PRICKLE1: variants seen among roughly 807,000 people sequenced by gnomAD.
The protein encoded by PRICKLE1 is prickle planar cell polarity protein 1.
In PRICKLE1, 14 loss-of-function variants were observed where a neutral mutation model predicts 70.2. The ratio of observed to expected loss-of-function variants is 0.20; its 90% CI spans 0.13 to 0.31. The LOEUF is 0.31. PRICKLE1 is among the 10% of genes least tolerant of loss of function. PRICKLE1 has a pLI of 1.00. For missense variants in PRICKLE1, 821 were observed against 1,026.2 expected, an observed-to-expected ratio of 0.80 and a Z score of 2.73; for synonymous variants, 357 against 379.9, an observed-to-expected ratio of 0.94 and a Z score of 0.70.
intron 1 of PRICKLE1, among the ~76,000 whole-genome samples, chr12:42,543,677 C>T (rs1940156465): frequency 6.6e-6 from 1 of 152,140 alleles, no homozygotes; most frequent in Non-Finnish European, 1.5e-5. Flanking sequence ...TACCCACCCC[C>T]ATGCCCAGCT....
intron 1 of PRICKLE1, among the ~76,000 whole-genome samples, chr12:42,556,884 C>A (rs768228446): frequency 3.5e-4 from 54 of 152,140 alleles, no homozygotes; most frequent in Non-Finnish European, 6.0e-4. Flanking sequence ...CTACAATGTG[C>A]CAGGCACCCA....
chr12:42,476,168 A>G (rs925739715), intron 1 of PRICKLE1, among the ~76,000 whole-genome samples: 1 of 147,954 alleles, frequency 6.8e-6, no homozygotes, highest in African/African-American at 2.5e-5. Flanking sequence ...CTACATCATC[A>G]CTAGCAACTT....
At chr12:42,529,135 T>C (rs1006036377) in intron 1 of PRICKLE1, among the ~76,000 whole-genome samples, 1 of 152,236 alleles carries the variant, frequency 6.6e-6, no homozygotes, top group Non-Finnish European at 1.5e-5. Flanking sequence ...AGGCTTTCAG[T>C]TGTTTTTTAA....
chr12:42,497,097 T>C (rs61924404), intron 1 of PRICKLE1, among the ~76,000 whole-genome samples: 13,349 of 152,220 alleles, frequency 0.088, 764 homozygotes, highest in Middle Eastern at 0.15. Flanking sequence ...AAGTGAGAGA[T>C]GTGTGCCTCT....
chr12:42,571,534 C>T (rs2120753228), intron 1 of PRICKLE1, among the ~76,000 whole-genome samples: 1 of 152,330 alleles, frequency 6.6e-6, no homozygotes, highest in East Asian at 1.9e-4. Flanking sequence ...TCTGAGGAAG[C>T]AGATGAACTC....
chr12:42,562,173 G>A (rs1052768051), intron 1 of PRICKLE1, among the ~76,000 whole-genome samples: 7 of 152,124 alleles, frequency 4.6e-5, no homozygotes, highest in Non-Finnish European at 1.0e-4. Context: ...GTCTCCCAAA[G>A]TGCTGGGATT....
At chr12:42,542,810 G>A (rs1201586831) in intron 1 of PRICKLE1, among the ~76,000 whole-genome samples, 2 of 152,184 alleles carry the variant, frequency 1.3e-5, no homozygotes, top group Non-Finnish European at 2.9e-5. Context: ...GGTTGTTTAC[G>A]TTAACTTCTA....
At chr12:42,563,980 C>T (rs958890737) in intron 1 of PRICKLE1, among the ~76,000 whole-genome samples, 2 of 151,870 alleles carry the variant, frequency 1.3e-5, no homozygotes, top group African/African-American at 2.4e-5. Flanking sequence ...TCTTTCCAGC[C>T]AAGTGCAGTG....
chr12:42,534,596 T>C (rs1939986453), intron 1 of PRICKLE1, among the ~76,000 whole-genome samples: 1 of 152,174 alleles, frequency 6.6e-6, no homozygotes, highest in Non-Finnish European at 1.5e-5. Flanking sequence ...TTGAGATAGA[T>C]ATTAAGCAAG....
chr12:42,532,995 T>C (rs2120555959), intron 1 of PRICKLE1, among the ~76,000 whole-genome samples: 1 of 152,258 alleles, frequency 6.6e-6, no homozygotes, highest in South Asian at 2.1e-4. Flanking sequence ...CAACAGCCCA[T>C]GTTGCTAGTG....
At chr12:42,561,758 C>T (rs1940516587) in intron 1 of PRICKLE1, among the ~76,000 whole-genome samples, 1 of 152,090 alleles carries the variant, frequency 6.6e-6, no homozygotes, top group Non-Finnish European at 1.5e-5. Context: ...GTACAGTTAA[C>T]TATGAAAAGT....
At chr12:42,487,816 C>T (rs529109854) in intron 1 of PRICKLE1, among the ~76,000 whole-genome samples, 9 of 152,246 alleles carry the variant, frequency 5.9e-5, no homozygotes, top group South Asian at 2.1e-4. Context: ...GAGGCCAAGG[C>T]GGGTGGATCA....
At chr12:42,471,607 G>A (rs1711987753) in intron 2 of PRICKLE1, among the ~76,000 whole-genome samples, 2 of 152,126 alleles carry the variant, frequency 1.3e-5, no homozygotes, top group Admixed American at 1.3e-4. Flanking sequence ...GATAAATAAG[G>A]ATACCCTATT....
chr12:42,527,964 T>TAC lies in PRICKLE1; in HGVS notation c.-48-55401_-48-55400insGT, dbSNP rs1566114368. Among the ~76,000 whole-genome samples, 28 of 7,194 alleles carry TAC rather than the reference T, an allele frequency of 3.9e-3. 2 individuals are homozygous for TAC. Among genetic ancestry groups the TAC allele is most frequent in the African/African-American group, 7.6e-3 (21 of 2,760 alleles). 4.7% of individuals were successfully genotyped at this position (7,194 alleles called of 152,430 possible). On this transcript the variant is annotated intron_variant, in intron 1 of 7. Coordinates refer to ENST00000345127, the MANE Select transcript of PRICKLE1 (RefSeq NM_153026.3). ...ATATATATATATATATATATATATATATATATATCTCCAAAGTTTTATATA... is the reference window on the plus strand; with the variant it reads ...ATATATATATATATATATATATATATACATATATATCTCCAAAGTTTTATATA...
Position 42,459,574 on chromosome 12 carries a change from C to A in PRICKLE1, c.*235G>T. 1 of 626,240 alleles carries A rather than the reference C, an allele frequency of 1.6e-6. No individual in the cohort carries two copies. The highest frequency in any genetic ancestry group is 2.7e-5 in the East Asian group (1 of 36,846). 38.8% of individuals were successfully genotyped at this position (626,240 alleles called of 1,614,324 possible). A position where few individuals can be genotyped will look rare whatever the true frequency, so the allele number is the denominator to read the frequency against. ...GCAGCTACGTCCATCTGTAACGCAC[C>A]CGCACCGGACAGGCACGAGATGTCA... is the stretch of plus-strand genomic sequence containing the variant. On this transcript the variant is annotated 3_prime_UTR_variant, in exon 8 of 8. Coordinates refer to ENST00000345127, the MANE Select transcript of PRICKLE1 (RefSeq NM_153026.3).
At chr12:42,495,400 A>AAAAAG (rs1555233526) in intron 1 of PRICKLE1, among the ~76,000 whole-genome samples, 11 of 136,572 alleles carry the variant, frequency 8.1e-5, no homozygotes, top group East Asian at 4.7e-4. Flanking sequence ...AAAAAAAAAA[A>AAAAAG]AGAGAGAGAG....
In PRICKLE1 at chr12:42,474,088, A is replaced by T. The variant is rs1938427680; in HGVS notation, c.-48-1524T>A. Among the ~76,000 whole-genome samples the T allele has an allele frequency of 2.0e-5, 3 of 152,116 alleles. No homozygotes were observed. The South Asian group carries it at 6.2e-4, about 32-fold the overall frequency. On this transcript the variant is annotated intron_variant, in intron 1 of 7. Transcript: ENST00000345127. ...GGAGTTTGAGCTCAGCCTGGCCAAC[A>T]TGGTGAAACCCCGTCTCTACTAAAA...
intron 1 of PRICKLE1, among the ~76,000 whole-genome samples, chr12:42,581,040 G>A (rs1221112215): frequency 4.6e-5 from 7 of 152,030 alleles, no homozygotes; most frequent in Non-Finnish European, 1.0e-4. Flanking sequence ...GGAATGAGAA[G>A]GACACCTTAG....
intron 1 of PRICKLE1, among the ~76,000 whole-genome samples, chr12:42,574,899 G>C (rs1592041016): frequency 1.4e-5 from 2 of 147,228 alleles, no homozygotes; most frequent in East Asian, 4.1e-4. Flanking sequence ...ATTTCTGCTT[G>C]GTAAAGCTTT....
Sources: allele counts gnomAD v4.1 joint callset (sites outside exome capture counted in the v4.1 genomes callset), GRCh38; gene constraint gnomAD v4.1.1; transcripts MANE v1.5; gene names NCBI Gene and HGNC (gene_info 2026-07-23, HGNC 2026-07-21).